The following GLRB variants were observed in gnomAD, a reference collection of about 807,000 sequenced individuals.
GLRB encodes glycine receptor beta, also known as glycine receptor subunit beta.
A neutral mutation model predicts 54.2 loss-of-function variants in GLRB; 33 were observed. The ratio of observed to expected loss-of-function variants is 0.61; its 90% CI spans 0.46 to 0.81. GLRB has a LOEUF of 0.81. Ranked by LOEUF, GLRB falls within the 40% of genes least tolerant of loss-of-function variation. The probability of loss-of-function intolerance (pLI) is 0.00; values close to 1 mark genes in which losing one functional copy is unlikely to be tolerated. For missense variants in GLRB, 572 were observed against 584.6 expected, an observed-to-expected ratio of 0.98 and a Z score of 0.22; for synonymous variants, 209 against 208.2, an observed-to-expected ratio of 1.00 and a Z score of -0.03.
chr4:157,107,207 C>A (rs1487077320), intron 2 of GLRB, among the ~76,000 whole-genome samples: 2 of 152,056 alleles, frequency 1.3e-5, no homozygotes, highest in Admixed American at 6.6e-5. Context: ...CTCTGAGATA[C>A]AACAACATTG....
chr4:157,107,936 CA>C (rs1245360650), intron 2 of GLRB, among the ~76,000 whole-genome samples: 1 of 152,020 alleles, frequency 6.6e-6, no homozygotes, highest in Non-Finnish European at 1.5e-5. Flanking sequence ...GCCCATTTAC[CA>C]TTTCAAAAAT....
rs1276015843 is a variant in GLRB, at chr4:157,170,530, A to G, written c.1296A>G (p.Leu432=). The G allele has an allele frequency of 6.2e-7, 1 of 1,611,548 alleles. No individual in the cohort carries two copies. The highest frequency in any genetic ancestry group is 2.2e-5 in the East Asian group (1 of 44,852). Residue 432 remains leucine (L), a synonymous_variant, in exon 10 of 10, where the codon CTA becomes CTG. Transcript: ENST00000264428. ...IVGSLPRDFE[L]SNYDCYGKPI... The stretch of plus-strand genomic sequence containing the variant: ...GAAGCTTACCAAGAGATTTTGAACT[A>G]TCCAATTATGACTGCTATGGAAAAC...
At chr4:157,167,489 A>T (rs1195245923) in intron 9 of GLRB, among the ~76,000 whole-genome samples, 2 of 152,138 alleles carry the variant, frequency 1.3e-5, no homozygotes, top group African/African-American at 2.4e-5. Flanking sequence ...ACATGCATGC[A>T]TGCCTGTGCA....
At chr4:157,100,837 T>G (rs1454791886) in intron 2 of GLRB, among the ~76,000 whole-genome samples, 1 of 152,190 alleles carries the variant, frequency 6.6e-6, no homozygotes, top group Non-Finnish European at 1.5e-5. Flanking sequence ...CACTGAATAG[T>G]ACACTTTGAA....
chr4:157,162,812 A>C (rs1737560346), intron 9 of GLRB, among the ~76,000 whole-genome samples: 1 of 152,170 alleles, frequency 6.6e-6, no homozygotes, highest in African/African-American at 2.4e-5. Flanking sequence ...CAGTCTGTCC[A>C]TTCTCAGATC....
chr4:157,093,754 C>CAA (rs70958808), intron 2 of GLRB, among the ~76,000 whole-genome samples: 3,318 of 60,550 alleles, frequency 0.055, 116 homozygotes, highest in Non-Finnish European at 0.066. Flanking sequence ...GACTCCATCT[C>CAA]AAAAAAAAAA....
At chr4:157,084,784 A>G in intron 2 of GLRB, 1 of 435,500 alleles carries the variant, frequency 2.3e-6, no homozygotes. Flanking sequence ...CTTGGGTATT[A>G]TATTAGCCAT....
chr4:157,084,962 G>T (rs183430998), intron 2 of GLRB, among the ~76,000 whole-genome samples: 10 of 152,128 alleles, frequency 6.6e-5, no homozygotes, highest in Admixed American at 6.5e-4. Flanking sequence ...CTATAAAATG[G>T]ATACTATTGA....
chr4:157,141,649 T>C (rs1736616099), intron 7 of GLRB, among the ~76,000 whole-genome samples: 1 of 151,970 alleles, frequency 6.6e-6, no homozygotes, highest in African/African-American at 2.4e-5. Context: ...CAATGAACAT[T>C]TATATCAATT....
intron 2 of GLRB, among the ~76,000 whole-genome samples, chr4:157,096,623 C>T (rs923204653): frequency 6.6e-6 from 1 of 152,116 alleles, no homozygotes; most frequent in Non-Finnish European, 1.5e-5. Context: ...TTGTTGCCTC[C>T]TATAGCCTGA....
chr4:157,077,027 G>A (rs996074794), intron 1 of GLRB, among the ~76,000 whole-genome samples: 1 of 150,538 alleles, frequency 6.6e-6, no homozygotes, highest in African/African-American at 2.4e-5. Context: ...AATTTCTGAG[G>A]GTGAGATGGG....
At chr4:157,100,270 A>T (rs2126478432) in intron 2 of GLRB, among the ~76,000 whole-genome samples, 1 of 152,278 alleles carries the variant, frequency 6.6e-6, no homozygotes, top group South Asian at 2.1e-4. Context: ...TCTGTAATCC[A>T]TTTCAACTTG....
rs537428982 is a variant in GLRB at position 157,107,011 on chromosome 4, A to T, written c.123-13545A>T. ...GTTTTGGTAATTCTCACAATATTTC[A>T]ATCTTATGATTATTATTGTATCTGT... On this transcript the variant is annotated intron_variant, in intron 2 of 9. Transcript: ENST00000264428. Among the ~76,000 whole-genome samples the T allele has an allele frequency of 2.0e-5, 3 of 152,178 alleles. No individual in the cohort carries two copies. The East Asian group carries it at 5.8e-4, about 30-fold the overall frequency.
chr4:157,077,081 G>A (rs554117208), intron 1 of GLRB, among the ~76,000 whole-genome samples: 20 of 151,126 alleles, frequency 1.3e-4, no homozygotes, highest in Admixed American at 3.3e-4. Flanking sequence ...TTTACTCTGC[G>A]GAAAACAATG....
intron 8 of GLRB, among the ~76,000 whole-genome samples, chr4:157,146,639 T>C (rs1295155894): frequency 6.6e-6 from 1 of 151,538 alleles, no homozygotes; most frequent in Non-Finnish European, 1.5e-5. Context: ...GCCAACATGG[T>C]AAAACCCCGT....
chr4:157,161,280 A>G (rs970400694), intron 9 of GLRB, among the ~76,000 whole-genome samples: 1 of 152,130 alleles, frequency 6.6e-6, no homozygotes, highest in African/African-American at 2.4e-5. Flanking sequence ...TTGACTCTTT[A>G]TCCAATTTAC....
intron 2 of GLRB, among the ~76,000 whole-genome samples, chr4:157,090,481 T>C (rs1345884470): frequency 6.6e-6 from 1 of 152,180 alleles, no homozygotes; most frequent in East Asian, 1.9e-4. Context: ...ACATTATGAC[T>C]TCATGCAGAC....
At chr4:157,145,914 G>C (rs531757269) in intron 8 of GLRB, among the ~76,000 whole-genome samples, 8 of 152,210 alleles carry the variant, frequency 5.3e-5, no homozygotes, top group Admixed American at 5.2e-4. Context: ...GGCCACTGTG[G>C]CTGGAGCAGA....
chr4:157,091,186 T>C (rs1391860822), intron 2 of GLRB, among the ~76,000 whole-genome samples: 1 of 152,224 alleles, frequency 6.6e-6, no homozygotes, highest in Non-Finnish European at 1.5e-5. Flanking sequence ...GAAACGATTA[T>C]AATAGTTTGG....
Sources: allele counts gnomAD v4.1 joint callset (sites outside exome capture counted in the v4.1 genomes callset), GRCh38; gene constraint gnomAD v4.1.1; transcripts MANE v1.5; gene names NCBI Gene and HGNC (gene_info 2026-07-23, HGNC 2026-07-21).